VTI1A: variants seen among roughly 807,000 people sequenced by gnomAD.
VTI1A encodes the protein vesicle transport through interaction with t-SNAREs 1A, also known as vesicle transport through interaction with t-SNAREs homolog 1A.
A neutral mutation model predicts 34.9 loss-of-function variants in VTI1A; 22 were observed. That is an observed-to-expected ratio of 0.63 (90% CI 0.45 to 0.90). VTI1A has a LOEUF of 0.90. VTI1A is among the 40% of genes least tolerant of loss of function. The pLI is 0.00. For missense variants in VTI1A, 268 were observed against 275.6 expected (o/e 0.97, Z 0.20); for synonymous variants, 87 against 97.3 (o/e 0.89, Z 0.62).
rs569421813 is a variant in VTI1A, at chr10:112,760,229, C to T, written c.561-55061C>T. Among the ~76,000 whole-genome samples, 8 of 152,242 alleles carry T rather than the reference C, an allele frequency of 5.3e-5. No homozygotes were observed. In the South Asian group the frequency reaches 1.7e-3, roughly 32 times the overall value. On this transcript the variant is annotated intron_variant, in intron 7 of 7. Transcript: ENST00000393077. ...GCTTGAACCATGGATAGTACTAAGC[C>T]CTATTTATGCTGTTTTTCCCTGTAC...
At chr10:112,834,152 T>A in the VTI1A span, among the ~76,000 whole-genome samples, 1 of 152,148 alleles carries the variant, frequency 6.6e-6, no homozygotes, top group Non-Finnish European at 1.5e-5. Flanking sequence ...GCTCAGAACC[T>A]GGACAGCAGT....
intron 6 of VTI1A, 28 bp from the exon 7 acceptor site, chr10:112,668,909 T>G: frequency 6.2e-7 from 1 of 1,610,670 alleles, no homozygotes. Flanking sequence ...TTGCATGAAC[T>G]TCTGTTTTGT....
the VTI1A span, among the ~76,000 whole-genome samples, chr10:112,851,846 G>A: frequency 1.3e-5 from 2 of 152,078 alleles, no homozygotes; most frequent in Admixed American, 6.5e-5. Context: ...GATAATGGCC[G>A]TAGGAAGACT....
chr10:112,656,198 G>A (rs1359092821), intron 5 of VTI1A, among the ~76,000 whole-genome samples: 2 of 152,152 alleles, frequency 1.3e-5, no homozygotes, highest in Non-Finnish European at 2.9e-5. Context: ...AGGGTTTGTT[G>A]CAAGGTGTGT....
chr10:112,491,331 T>C (rs970431215), intron 3 of VTI1A, among the ~76,000 whole-genome samples: 1 of 152,336 alleles, frequency 6.6e-6, no homozygotes, highest in Middle Eastern at 3.4e-3. Flanking sequence ...CTGACTAATC[T>C]CAGTGAAGTT....
At chr10:112,488,411 A>G (rs961119450) in intron 3 of VTI1A, among the ~76,000 whole-genome samples, 1 of 152,234 alleles carries the variant, frequency 6.6e-6, no homozygotes, top group Non-Finnish European at 1.5e-5. Context: ...TCGAACTATC[A>G]TTATAATGCA....
chr10:112,749,285 G>T (rs1851018105), intron 7 of VTI1A, among the ~76,000 whole-genome samples: 1 of 152,208 alleles, frequency 6.6e-6, no homozygotes, highest in Non-Finnish European at 1.5e-5. Flanking sequence ...GCCACCTTCA[G>T]TACTGCTTAC....
intron 7 of VTI1A, among the ~76,000 whole-genome samples, chr10:112,747,544 G>T (rs140378279): frequency 6.6e-6 from 1 of 152,184 alleles, no homozygotes; most frequent in Non-Finnish European, 1.5e-5. Flanking sequence ...TATAGTTTCC[G>T]TTGTTGACCA....
intron 5 of VTI1A, among the ~76,000 whole-genome samples, chr10:112,604,258 T>A (rs771639401): frequency 6.6e-6 from 1 of 152,144 alleles, no homozygotes. Flanking sequence ...TTTTCCTGAC[T>A]TACAAAATGG....
In VTI1A at chr10:112,612,130, G is replaced by T. The variant is rs182695908; in HGVS notation, c.428-56088G>T. Among the ~76,000 whole-genome samples, 6 of 152,128 alleles carry T rather than the reference G, an allele frequency of 3.9e-5. No individual in the cohort carries two copies. In the East Asian group the frequency reaches 7.7e-4, roughly 20 times the overall value. On this transcript the variant is annotated intron_variant, in intron 5 of 7. Transcript: ENST00000393077. ...TTAAAAATAAAAAAGCCATTTTATCGTAAGTTTGAAAACTGAGGTATCAGG... is the reference window on the plus strand; with the variant it reads ...TTAAAAATAAAAAAGCCATTTTATCTTAAGTTTGAAAACTGAGGTATCAGG...
At chr10:112,693,773 A>G (rs1386376449) in intron 7 of VTI1A, among the ~76,000 whole-genome samples, 5 of 152,186 alleles carry the variant, frequency 3.3e-5, no homozygotes, top group Admixed American at 3.3e-4. Context: ...GACTGACCCA[A>G]GATAAATATG....
chr10:112,815,502 A>C lies in VTI1A; in HGVS notation c.*119A>C, dbSNP rs1590211913. ...CCCCAGGTGACCCTCTCTCTCCCTC[A>C]CCGCCGTTGGGCTGAAGTGCAAAGA... On this transcript the variant is annotated 3_prime_UTR_variant, in exon 8 of 8. Transcript: ENST00000393077. 1.2e-6 allele frequency: 1 copy of C among 818,790 alleles called. No homozygotes were observed. The highest frequency in any genetic ancestry group is 2.0e-6 in the Non-Finnish European group (1 of 490,584). The allele number at this position is 818,790 out of a possible 1,614,324, so 50.7% of individuals were successfully genotyped here.
intron 1 of VTI1A, among the ~76,000 whole-genome samples, chr10:112,454,153 A>T (rs971071151): frequency 6.6e-6 from 1 of 152,200 alleles, no homozygotes; most frequent in Non-Finnish European, 1.5e-5. Context: ...TTCTAAGTAC[A>T]TACATAATTT....
At chr10:112,834,497 T>C in the VTI1A span, among the ~76,000 whole-genome samples, 1 of 152,314 alleles carries the variant, frequency 6.6e-6, no homozygotes, top group Non-Finnish European at 1.5e-5. Context: ...ATTGGTTCCA[T>C]GCAAAGAACC....
At chr10:112,779,819 T>C (rs1028655148) in intron 7 of VTI1A, among the ~76,000 whole-genome samples, 5 of 152,186 alleles carry the variant, frequency 3.3e-5, no homozygotes, top group Non-Finnish European at 5.9e-5. Flanking sequence ...GAAGAAATTA[T>C]TTTTCAACGT....
chr10:112,605,510 C>T (rs148074708), intron 5 of VTI1A, among the ~76,000 whole-genome samples: 1 of 152,274 alleles, frequency 6.6e-6, no homozygotes, highest in East Asian at 1.9e-4. Flanking sequence ...CATGGATTCG[C>T]CTAACTCCAG....
intron 1 of VTI1A, among the ~76,000 whole-genome samples, chr10:112,458,182 A>G (rs955624650): frequency 6.6e-6 from 1 of 152,224 alleles, no homozygotes. Flanking sequence ...ACTGATGCTT[A>G]TTAGTCCTGG....
intron 5 of VTI1A, among the ~76,000 whole-genome samples, chr10:112,644,452 G>A (rs1590017731): frequency 1.3e-5 from 2 of 152,128 alleles, no homozygotes; most frequent in Non-Finnish European, 2.9e-5. Context: ...AAAGACTACC[G>A]GTGGACTCCC....
At position 112,538,297 on chromosome 10, in the gene VTI1A, C is replaced by G; in HGVS notation, c.394C>G (p.Leu132Val). Residue 132 changes from leucine to valine, a missense_variant, in exon 5 of 8, where the codon CTA becomes GTA. Leu to Val is a conservative substitution (Grantham distance 32). Coordinates refer to ENST00000393077, the MANE Select transcript of VTI1A (RefSeq NM_145206.4). ...GAGGCTGGAAAGGTCATCTCGGAGA[C>G]TAGAGGCTGGATACCAAATAGCAGT... ...TERLERSSRR[L>V]EAGYQIAVET... 2 of 1,613,372 alleles carry G rather than the reference C, an allele frequency of 1.2e-6. No individual in the cohort carries two copies. The highest frequency in any genetic ancestry group is 1.7e-6 in the Non-Finnish European group (2 of 1,179,754).
Sources: gnomAD v4.1 joint callset for allele counts (sites outside exome capture counted in the v4.1 genomes callset) on GRCh38, gnomAD v4.1.1 for gene constraint, MANE v1.5 for transcripts, NCBI Gene and HGNC (gene_info 2026-07-23, HGNC 2026-07-21) for gene names.